Variants in ZFYVE26 observed in about 807,000 individuals in gnomAD.
The protein encoded by ZFYVE26 is zinc finger FYVE-type containing 26.
ZFYVE26 carries 181 observed loss-of-function variants against 276.5 expected under a neutral mutation model. That is an observed-to-expected ratio of 0.65 (90% CI 0.58 to 0.74). The LOEUF is 0.74. Ranked by LOEUF, ZFYVE26 falls within the 30% of genes least tolerant of loss-of-function variation. The pLI is 0.00. For synonymous variants in ZFYVE26, 1,129 were observed against 1,203.1 expected (o/e 0.94, Z 1.27); for missense variants, 2,821 against 3,097.9 (o/e 0.91, Z 2.12).
chr14:67,748,166 G>T lies in ZFYVE26; in HGVS notation c.*270C>A. 1.9e-6 allele frequency: 1 copy of T among 538,880 alleles called. No individual in the cohort carries two copies. Among genetic ancestry groups the T allele is most frequent in the Non-Finnish European group, 3.4e-6 (1 of 297,306 alleles). The allele number at this position is 538,880 out of a possible 1,614,324, so 33.4% of individuals were successfully genotyped here. A position where few individuals can be genotyped will look rare whatever the true frequency, so the allele number is the denominator to read the frequency against. The stretch of plus-strand genomic sequence containing the variant: ...CGCACAGGAACATGCACACGTGTGT[G>T]CACACATACTCACTCACTCACTCTG... On this transcript the variant is annotated 3_prime_UTR_variant, in exon 42 of 42. Coordinates refer to ENST00000347230, the MANE Select transcript of ZFYVE26 (RefSeq NM_015346.4).
chr14:67,752,547 A>G (rs778190355), intron 39 of ZFYVE26, 21 bp from the exon 40 acceptor site: 1 of 1,613,894 alleles, frequency 6.2e-7, no homozygotes, highest in South Asian at 1.1e-5. Context: ...ACACAACATG[A>G]TGGGCTTAGG....
intron 2 of ZFYVE26, among the ~76,000 whole-genome samples, chr14:67,814,806 C>CG (rs1172764585): frequency 2.4e-4 from 36 of 152,136 alleles, no homozygotes; most frequent in African/African-American, 8.7e-4. Context: ...GGAATTTAGA[C>CG]GGTAACTGGC....
At chr14:67,788,224 A>G (rs59116648) in intron 16 of ZFYVE26, among the ~76,000 whole-genome samples, 3,256 of 152,216 alleles carry the variant, frequency 0.021, 135 homozygotes, top group African/African-American at 0.074. Flanking sequence ...CCCAGTCTCT[A>G]TTAAATATAC....
At chr14:67,739,173 G>A (rs1329512259) in intron 13 of ZFYVE26, among the ~76,000 whole-genome samples, 1 of 152,188 alleles carries the variant, frequency 6.6e-6, no homozygotes, top group African/African-American at 2.4e-5. Context: ...TAAAACATGA[G>A]GCACAGGAAG....
intron 13 of ZFYVE26, among the ~76,000 whole-genome samples, chr14:67,740,455 AAAT>A (rs1400919401): frequency 6.6e-6 from 1 of 152,046 alleles, no homozygotes; most frequent in Admixed American, 6.5e-5. Context: ...CAAATTATTT[AAAT>A]AATGTGGAAT....
Position 67,798,950 on chromosome 14 carries a change from G to A in ZFYVE26, c.1640-328C>T, listed in dbSNP as rs1282455389. ...TTGGCGCCTCTGATCTTTATTTCTC[G>A]CGCCGCGGTTTCGGTGGGAGGGGCG... On this transcript the variant is annotated intron_variant, in intron 10 of 41. Coordinates refer to ENST00000347230, the MANE Select transcript of ZFYVE26 (RefSeq NM_015346.4). The A allele has an allele frequency of 6.2e-6, 7 of 1,130,042 alleles. No individual in the cohort carries two copies. In the Admixed American group the frequency reaches 6.9e-5, roughly 11 times the overall value. The allele number at this position is 1,130,042 out of a possible 1,614,324, so 70.0% of individuals were successfully genotyped here.
At chr14:67,736,002 C>A (rs1317733537) in intron 13 of ZFYVE26, among the ~76,000 whole-genome samples, 1 of 152,130 alleles carries the variant, frequency 6.6e-6, no homozygotes, top group Non-Finnish European at 1.5e-5. Flanking sequence ...GGAGGATATA[C>A]CTTGTGTATT....
At position 67,805,586 on chromosome 14, in the gene ZFYVE26, G is replaced by A. The variant is rs1035670178; in HGVS notation, c.1050C>T (p.Asp350=). ...VTALTLLKEE[D]FPNLGCLLDR... is the part of the protein sequence containing the mutation. ...CAAGTAGGCAGCCAAGATTTGGGAA[G>A]TCTTCTTCTTTCAACAATGTTAGTG... The change falls in exon 7 of 42, where the codon GAC becomes GAT. Residue 350 remains aspartate, a synonymous_variant. Coordinates refer to ENST00000347230, the MANE Select transcript of ZFYVE26 (RefSeq NM_015346.4). 1.2e-6 allele frequency: 2 copies of A among 1,614,230 alleles called. No individual in the cohort carries two copies. Among genetic ancestry groups the A allele is most frequent in the Non-Finnish European group, 1.7e-6 (2 of 1,180,036 alleles).
chr14:67,766,984 G>A (rs2039077351), intron 31 of ZFYVE26, among the ~76,000 whole-genome samples: 1 of 152,076 alleles, frequency 6.6e-6, no homozygotes, highest in South Asian at 2.1e-4. Context: ...GATTACAGGT[G>A]GGCACCACTG....
Position 67,748,467 on chromosome 14 carries a change from C to CG in ZFYVE26, c.7588dup (p.Arg2530ProfsTer49), listed in dbSNP as rs2140176050. On this transcript the variant is annotated frameshift_variant, in exon 42 of 42. Transcript: ENST00000347230. LOFTEE classifies it high-confidence loss of function. ...CCTGGAGCCTGGGCCATGGGCACCC[C>CG]GGGGGTGGCTTGTCAGAAGCCACTG... 6.2e-7 allele frequency: 1 copy of CG among 1,612,744 alleles called. No individual in the cohort carries two copies. Among genetic ancestry groups the CG allele is most frequent in the African/African-American group, 1.3e-5 (1 of 75,020 alleles).
Position 67,790,611 on chromosome 14 carries a change from G to C in ZFYVE26, c.2716C>G (p.Arg906Gly). 6.2e-7 allele frequency: 1 copy of C among 1,614,038 alleles called. No individual in the cohort carries two copies. The highest frequency in any genetic ancestry group is 8.5e-7 in the Non-Finnish European group (1 of 1,180,000). Reference protein sequence around the residue: ...SSTIRRTGSGRSTLQAIGSAA... With the variant: ...SSTIRRTGSGGSTLQAIGSAA... ...CTGCCAATGGCCTGTAGAGTTGAGC[G>C]GCCACTGCCAGTTCTCCGAATGGTG... The change falls in exon 15 of 42, where the codon CGC becomes GGC. Residue 906 changes from arginine to glycine, a missense_variant. Physicochemically the swap from Arg to Gly is moderately radical, Grantham distance 125. Transcript: ENST00000347230.
intron 13 of ZFYVE26, chr14:67,734,553 G>A (rs924438386): frequency 5.1e-5 from 8 of 155,404 alleles, no homozygotes; most frequent in East Asian, 1.9e-4. Flanking sequence ...ACCCAGCCAC[G>A]GGAATTGGGA....
intron 24 of ZFYVE26, 66 bp downstream of exon 24, chr14:67,778,060 G>A: frequency 6.2e-7 from 1 of 1,604,686 alleles, no homozygotes; most frequent in South Asian, 1.1e-5. Context: ...TGAAAATAAA[G>A]CCATCTGATT....
At chr14:67,781,090 C>T (rs1017645680) in intron 22 of ZFYVE26, among the ~76,000 whole-genome samples, 1 of 152,102 alleles carries the variant, frequency 6.6e-6, no homozygotes, top group Non-Finnish European at 1.5e-5. Flanking sequence ...ATACACCATT[C>T]CAATGTTAAT....
At chr14:67,806,438 ATTAGACTGC>A in intron 6 of ZFYVE26, 98 bp downstream of exon 6, 1 of 1,450,822 alleles carries the variant, frequency 6.9e-7, no homozygotes, top group Admixed American at 1.8e-5. Context: ...CTCAACACTA[ATTAGACTGC>A]TTTATGGTGG....
chr14:67,756,001 A>G lies in ZFYVE26; in HGVS notation c.6733T>C (p.Leu2245=). Residue 2245 remains leucine (L), a synonymous_variant, in exon 36 of 42, where the codon TTA becomes CTA. Coordinates refer to ENST00000347230, the MANE Select transcript of ZFYVE26 (RefSeq NM_015346.4). Reference sequence around the variant, plus strand: ...ATGTGGTAGTAGTTCTTCTTCTGTAAATGTTGGCAGGCAGCAATCAAGTAC... The same window carrying G: ...ATGTGGTAGTAGTTCTTCTTCTGTAGATGTTGGCAGGCAGCAATCAAGTAC... ...GKYLIAACQH[L]QKKNYYHILY... is the part of the protein sequence containing the mutation. The G allele has an allele frequency of 1.2e-6, 2 of 1,614,208 alleles. No individual in the cohort carries two copies. The highest frequency in any genetic ancestry group is 1.1e-5 in the South Asian group (1 of 91,068).
intron 23 of ZFYVE26, 148 bp from the exon 24 acceptor site, chr14:67,778,396 A>G: frequency 2.9e-6 from 3 of 1,031,896 alleles, no homozygotes; most frequent in East Asian, 2.5e-5. Flanking sequence ...CTTACTGTTC[A>G]TATCACTTTC....
intron 10 of ZFYVE26, among the ~76,000 whole-genome samples, chr14:67,799,840 T>C (rs959805370): frequency 1.9e-4 from 29 of 152,058 alleles, no homozygotes; most frequent in Admixed American, 1.3e-3. Flanking sequence ...GTGGTGACAA[T>C]TGGGAGGGCG....
intron 40 of ZFYVE26, 114 bp from the exon 41 acceptor site, chr14:67,751,210 T>A: frequency 8.0e-7 from 1 of 1,243,390 alleles, no homozygotes. Context: ...AATGTCTGCC[T>A]GACTTTTTTT....
Sources: allele counts gnomAD v4.1 joint callset (sites outside exome capture counted in the v4.1 genomes callset), GRCh38; gene constraint gnomAD v4.1.1; transcripts MANE v1.5; gene names NCBI Gene and HGNC (gene_info 2026-07-23, HGNC 2026-07-21).